ZNF385D: variants seen among roughly 807,000 people sequenced by gnomAD.
ZNF385D encodes zinc finger protein 659.
ZNF385D carries 15 observed loss-of-function variants against 35.8 expected under a neutral mutation model. The observed-to-expected ratio is 0.42, with a 90% CI of 0.28 to 0.64. ZNF385D has a LOEUF of 0.64. Ranked by LOEUF, ZNF385D falls within the 30% of genes least tolerant of loss-of-function variation. The probability of loss-of-function intolerance (pLI) is 0.23; values close to 1 mark genes in which losing one functional copy is unlikely to be tolerated. For synonymous variants in ZNF385D, 212 were observed against 186.8 expected (o/e 1.13, Z -1.10); for missense variants, 474 against 494.6 (o/e 0.96, Z 0.39).
At chr3:21,923,874 C>G (rs1476260160) in intron 3 of ZNF385D, among the ~76,000 whole-genome samples, 4 of 152,128 alleles carry the variant, frequency 2.6e-5, no homozygotes, top group African/African-American at 4.8e-5. Flanking sequence ...TAAACTAACT[C>G]TTGAGTTAAC....
At chr3:22,238,213 A>G (rs79549191) in intron 2 of ZNF385D, among the ~76,000 whole-genome samples, 1 of 151,080 alleles carries the variant, frequency 6.6e-6, no homozygotes, top group Non-Finnish European at 1.5e-5. Context: ...TGTGGCTTGT[A>G]GTAAGTTTTG....
intron 2 of ZNF385D, among the ~76,000 whole-genome samples, chr3:22,197,832 G>A (rs1318296940): frequency 6.6e-6 from 1 of 152,026 alleles, no homozygotes; most frequent in South Asian, 2.1e-4. Context: ...CTTCCTTTTG[G>A]TTTCCTTTCC....
At chr3:22,189,345 C>G (rs1451383822) in intron 2 of ZNF385D, among the ~76,000 whole-genome samples, 1 of 152,194 alleles carries the variant, frequency 6.6e-6, no homozygotes, top group Non-Finnish European at 1.5e-5. Context: ...CTGGAATCAT[C>G]TCTTCTGTGG....
chr3:21,830,918 T>C (rs1175577010), intron 3 of ZNF385D, among the ~76,000 whole-genome samples: 4 of 152,316 alleles, frequency 2.6e-5, no homozygotes, highest in Admixed American at 1.3e-4. Context: ...AAGGGTGTCA[T>C]ACCATAAGTT....
intron 3 of ZNF385D, among the ~76,000 whole-genome samples, chr3:22,083,403 T>A (rs1700861788): frequency 6.6e-6 from 1 of 152,182 alleles, no homozygotes. Context: ...CTGATGGAGC[T>A]GAAAACCATG....
In ZNF385D at chr3:21,983,811, T is replaced by A. The variant is rs373014589; in HGVS notation, c.325+185006A>T. 7.0e-4 allele frequency among the ~76,000 whole-genome samples: 49 copies of A among 69,652 alleles called. 1 individual carries two copies. In the East Asian group the frequency reaches 0.015, roughly 21 times the overall value. The allele number at this position is 69,652 out of a possible 152,430, so 45.7% of individuals were successfully genotyped here. On this transcript the variant is annotated intron_variant, in intron 3 of 5. Coordinates refer to the ZNF385D transcript ENST00000494108. ...GTAAAAGTGTTCCTATTTCTCCACA[T>A]CCTCTCCAGCACCTGTTGTTTCCTG...
At chr3:21,499,264 T>C (rs1031780605) in intron 4 of ZNF385D, among the ~76,000 whole-genome samples, 10 of 152,046 alleles carry the variant, frequency 6.6e-5, no homozygotes, top group Admixed American at 6.6e-4. Context: ...TAAGGAAAAT[T>C]TGGTACATAT....
chr3:21,626,897 A>C (rs1458555915), intron 2 of ZNF385D, among the ~76,000 whole-genome samples: 1 of 152,050 alleles, frequency 6.6e-6, no homozygotes, highest in African/African-American at 2.4e-5. Context: ...AATGCACATC[A>C]ATGTGTGGTC....
At chr3:21,693,688 A>G (rs1490748001) in intron 1 of ZNF385D, among the ~76,000 whole-genome samples, 1 of 152,142 alleles carries the variant, frequency 6.6e-6, no homozygotes, top group Non-Finnish European at 1.5e-5. Context: ...TACTGGAATC[A>G]TCTCCCTATT....
chr3:21,700,772 A>T (rs1459773037), intron 1 of ZNF385D, among the ~76,000 whole-genome samples: 1 of 152,254 alleles, frequency 6.6e-6, no homozygotes, highest in Non-Finnish European at 1.5e-5. Flanking sequence ...TATTTAAGTG[A>T]TATGTATTAA....
intron 3 of ZNF385D, among the ~76,000 whole-genome samples, chr3:22,109,845 T>C (rs1229188047): frequency 6.6e-6 from 1 of 152,100 alleles, no homozygotes; most frequent in Non-Finnish European, 1.5e-5. Context: ...ACAGGCAGCG[T>C]ACAGAATGGG....
intron 2 of ZNF385D, among the ~76,000 whole-genome samples, chr3:22,273,741 A>T (rs187803463): frequency 1.3e-5 from 2 of 152,180 alleles, no homozygotes; most frequent in Admixed American, 6.6e-5. Context: ...CAGATCAGGA[A>T]GTTGAATACG....
At chr3:22,314,798 C>T (rs1575102301) in intron 2 of ZNF385D, among the ~76,000 whole-genome samples, 1 of 152,052 alleles carries the variant, frequency 6.6e-6, no homozygotes, top group East Asian at 1.9e-4. Flanking sequence ...ACCAAACATC[C>T]TGGTCATATT....
At chr3:21,972,661 T>G (rs1032839941) in intron 3 of ZNF385D, among the ~76,000 whole-genome samples, 1 of 151,314 alleles carries the variant, frequency 6.6e-6, no homozygotes, top group African/African-American at 2.4e-5. Context: ...TTTGAAATTA[T>G]AAAGAAAGTT....
intron 3 of ZNF385D, among the ~76,000 whole-genome samples, chr3:21,997,353 G>T (rs546807845): frequency 5.9e-5 from 9 of 152,244 alleles, no homozygotes; most frequent in Non-Finnish European, 1.3e-4. Context: ...CTGTCGTGTG[G>T]TGGGGGGATT....
At chr3:22,256,090 C>T (rs1013599248) in intron 2 of ZNF385D, among the ~76,000 whole-genome samples, 13 of 151,708 alleles carry the variant, frequency 8.6e-5, no homozygotes, top group Non-Finnish European at 1.3e-4. Flanking sequence ...ATGGTGGATG[C>T]TTCCTGCCCT....
At chr3:21,929,291 C>T (rs1329609103) in intron 3 of ZNF385D, among the ~76,000 whole-genome samples, 1 of 151,936 alleles carries the variant, frequency 6.6e-6, no homozygotes, top group African/African-American at 2.4e-5. Context: ...TCTCAACAAA[C>T]TAGGGATTAA....
chr3:21,994,141 C>A (rs1223887034), intron 3 of ZNF385D, among the ~76,000 whole-genome samples: 4 of 152,172 alleles, frequency 2.6e-5, no homozygotes, highest in Non-Finnish European at 5.9e-5. Flanking sequence ...CTGCAGCAAG[C>A]TAAACAAACC....
At chr3:21,710,273 G>C (rs899175283) in intron 1 of ZNF385D, among the ~76,000 whole-genome samples, 1 of 152,158 alleles carries the variant, frequency 6.6e-6, no homozygotes, top group South Asian at 2.1e-4. Flanking sequence ...AAGATCAAAA[G>C]GAGTAATTTA....
Sources: allele counts gnomAD v4.1 joint callset (sites outside exome capture counted in the v4.1 genomes callset), GRCh38; gene constraint gnomAD v4.1.1; transcripts MANE v1.5; gene names NCBI Gene and HGNC (gene_info 2026-07-23, HGNC 2026-07-21).